The following LY96 variants were observed in gnomAD, a reference collection of about 807,000 sequenced individuals.
The protein encoded by LY96 is lymphocyte antigen 96, also known as myeloid differentiation protein-2.
A neutral mutation model predicts 18.9 loss-of-function variants in LY96; 18 were observed. That is an observed-to-expected ratio of 0.95 (90% CI 0.66 to 1.41). LY96 has a LOEUF of 1.41. Among genes scored for constraint, LY96 ranks in the 40% most tolerant of loss-of-function variants. The probability of loss-of-function intolerance (pLI) is 0.00; values close to 1 mark genes in which losing one functional copy is unlikely to be tolerated. For missense variants in LY96, 175 were observed against 182.4 expected (o/e 0.96, Z 0.23); for synonymous variants, 66 against 62.6 (o/e 1.06, Z -0.26).
At chr8:74,076,783 A>T in the LY96 span, among the ~76,000 whole-genome samples, 1 of 152,128 alleles carries the variant, frequency 6.6e-6, no homozygotes, top group Non-Finnish European at 1.5e-5. Flanking sequence ...TTCCCTCCAC[A>T]CCAAGCAATT....
At chr8:74,022,470 A>C (rs868466477) in intron 3 of LY96, among the ~76,000 whole-genome samples, 3 of 151,846 alleles carry the variant, frequency 2.0e-5, no homozygotes, top group South Asian at 2.1e-4. Flanking sequence ...TGAAAAACAA[A>C]AAAAAAAGGG....
At chr8:74,077,834 G>A in the LY96 span, among the ~76,000 whole-genome samples, 1 of 152,242 alleles carries the variant, frequency 6.6e-6, no homozygotes, top group South Asian at 2.1e-4. Context: ...TGGGCCAGGT[G>A]TGGTGGCTTA....
chr8:74,089,067 C>T, the LY96 span, among the ~76,000 whole-genome samples: 1 of 152,076 alleles, frequency 6.6e-6, no homozygotes, highest in African/African-American at 2.4e-5. Flanking sequence ...GGAACAATCC[C>T]CTGACTTCCT....
chr8:74,009,461 T>A (rs1281053285), intron 2 of LY96, among the ~76,000 whole-genome samples: 1 of 145,576 alleles, frequency 6.9e-6, no homozygotes, highest in Non-Finnish European at 1.5e-5. Context: ...GCCAACTGAA[T>A]AAGTTGGAAG....
At chr8:74,022,422 C>CA (rs146321254) in intron 3 of LY96, among the ~76,000 whole-genome samples, 8,312 of 143,234 alleles carry the variant, frequency 0.058, 753 homozygotes, top group African/African-American at 0.2. Context: ...AAAGAAAAAC[C>CA]AAAAAAAAAG....
the LY96 span, among the ~76,000 whole-genome samples, chr8:74,035,819 A>T: frequency 6.6e-6 from 1 of 152,350 alleles, no homozygotes; most frequent in Admixed American, 6.5e-5. Flanking sequence ...ACCAATTGCC[A>T]ATCAGAAAAA....
At chr8:74,051,636 T>A in the LY96 span, among the ~76,000 whole-genome samples, 1 of 152,134 alleles carries the variant, frequency 6.6e-6, no homozygotes, top group Non-Finnish European at 1.5e-5. Context: ...GGGGAGGTAA[T>A]GAAGTCGTGA....
the LY96 span, among the ~76,000 whole-genome samples, chr8:74,078,425 A>G: frequency 6.6e-6 from 1 of 152,194 alleles, no homozygotes. Context: ...CAGGTCCTTT[A>G]CATACATTGT....
chr8:74,091,476 G>GA, the LY96 span, among the ~76,000 whole-genome samples: 2 of 152,206 alleles, frequency 1.3e-5, no homozygotes, highest in African/African-American at 4.8e-5. Flanking sequence ...CACCCTACAA[G>GA]ATGACTTGTG....
the LY96 span, among the ~76,000 whole-genome samples, chr8:74,051,804 G>T: frequency 9.9e-5 from 15 of 152,178 alleles, no homozygotes; most frequent in African/African-American, 3.4e-4. Flanking sequence ...CCTTGATCTT[G>T]GATTTCCTAG....
chr8:74,035,217 A>C, the LY96 span, among the ~76,000 whole-genome samples: 1 of 152,062 alleles, frequency 6.6e-6, no homozygotes, highest in Non-Finnish European at 1.5e-5. Context: ...CTTTTTATGT[A>C]AAAACTTTTT....
In LY96 at chr8:74,015,697, A is replaced by T. The variant is rs142018546; in HGVS notation, c.331+5568A>T. ...CAATGTACAATACCATCTGAGGCTC[A>T]GATCCCGCCCCCTGCATAGCTGCCA... On this transcript the variant is annotated intron_variant, in intron 3 of 4. Coordinates refer to ENST00000284818, the MANE Select transcript of LY96 (RefSeq NM_015364.5). Among the ~76,000 whole-genome samples, 339 of 152,342 alleles carry T rather than the reference A, an allele frequency of 2.2e-3. 2 individuals carry two copies. The highest frequency in any genetic ancestry group is 7.4e-3 in the African/African-American group (308 of 41,574).
chr8:74,065,048 G>C, the LY96 span, among the ~76,000 whole-genome samples: 1 of 152,238 alleles, frequency 6.6e-6, no homozygotes, highest in East Asian at 1.9e-4. Flanking sequence ...CTGAAAAACT[G>C]AATTTCCAAC....
chr8:74,031,008 T>A (rs1356408611), downstream of LY96, among the ~76,000 whole-genome samples: 2 of 152,214 alleles, frequency 1.3e-5, no homozygotes, highest in Admixed American at 1.3e-4. Context: ...AGCTGTTGCA[T>A]GGGGCTGGAA....
At chr8:73,996,266 G>A (rs28435175) in intron 1 of LY96, among the ~76,000 whole-genome samples, 27,901 of 151,808 alleles carry the variant, frequency 0.18, 3,113 homozygotes, top group African/African-American at 0.31. Context: ...GCCTTCCAAA[G>A]TGCTGGAATT....
At chr8:74,009,153 TTGGGAGGCTGAGG>T (rs1343984782) in intron 2 of LY96, among the ~76,000 whole-genome samples, 1 of 151,012 alleles carries the variant, frequency 6.6e-6, no homozygotes, top group Non-Finnish European at 1.5e-5. Context: ...TCCCAGTACT[TTGGGAGGCTGAGG>T]TGGGTGGATC....
chr8:74,001,937 ACCTT>A (rs568575292), intron 1 of LY96, among the ~76,000 whole-genome samples: 20,182 of 63,168 alleles, frequency 0.32, 4,430 homozygotes, highest in African/African-American at 0.37. Context: ...TTTTCAACCA[ACCTT>A]CCTTCCTTCC....
intron 1 of LY96, among the ~76,000 whole-genome samples, chr8:73,999,430 T>C (rs2131256341): frequency 6.6e-6 from 1 of 152,240 alleles, no homozygotes; most frequent in South Asian, 2.1e-4. Flanking sequence ...CAGCTAATTT[T>C]TGTATTTTTT....
chr8:74,010,105 T>G lies in LY96; in HGVS notation c.307T>G (p.Ser103Ala), dbSNP rs1357457471. 2 of 1,613,278 alleles carry G rather than the reference T, an allele frequency of 1.2e-6. No homozygotes were observed. The highest frequency in any genetic ancestry group is 2.7e-5 in the African/African-American group (2 of 74,918). The change falls in exon 3 of 5, where the codon TCT becomes GCT. Residue 103 changes from serine to alanine, a missense_variant. By Grantham distance (99) the Ser-to-Ala change is moderately conservative. Transcript: ENST00000284818. ...TTGCCGAGGATCTGATGACGATTAC[T>G]CTTTTTGCAGAGCTCTGAAGGGAGG... ...VICRGSDDDY[S>A]FCRALKGETV...
Sources: allele counts gnomAD v4.1 joint callset (sites outside exome capture counted in the v4.1 genomes callset), GRCh38; gene constraint gnomAD v4.1.1; transcripts MANE v1.5; gene names NCBI Gene and HGNC (gene_info 2026-07-23, HGNC 2026-07-21).